NKAIN3: variants seen among roughly 807,000 people sequenced by gnomAD.
NKAIN3 encodes sodium/potassium-transporting ATPase subunit beta-1-interacting protein 3.
Under a neutral mutation model 30.2 loss-of-function variants are expected in NKAIN3, and 25 were observed. That is an observed-to-expected ratio of 0.83 (90% CI 0.60 to 1.16). NKAIN3 has a LOEUF of 1.16. Among genes scored for constraint, NKAIN3 ranks in the 50% most tolerant of loss-of-function variants. NKAIN3 has a pLI of 0.00. For synonymous variants in NKAIN3, 91 were observed against 89.6 expected, an observed-to-expected ratio of 1.02 and a Z score of -0.09; for missense variants, 225 against 254.1, an observed-to-expected ratio of 0.89 and a Z score of 0.78.
At chr8:62,877,268 G>C (rs1056975505) in intron 4 of NKAIN3, among the ~76,000 whole-genome samples, 5 of 152,206 alleles carry the variant, frequency 3.3e-5, no homozygotes, top group East Asian at 3.8e-4. Context: ...TCAAAGTTAA[G>C]AAAATTTTCT....
intron 1 of NKAIN3, among the ~76,000 whole-genome samples, chr8:62,410,433 T>C (rs1167432456): frequency 6.6e-6 from 1 of 152,216 alleles, no homozygotes; most frequent in African/African-American, 2.4e-5. Context: ...AGTATATGTG[T>C]CTTTTTGGTA....
At chr8:62,330,597 C>G (rs1815311952) in intron 1 of NKAIN3, among the ~76,000 whole-genome samples, 1 of 152,044 alleles carries the variant, frequency 6.6e-6, no homozygotes, top group Non-Finnish European at 1.5e-5. Context: ...CACCACAGAT[C>G]ACTCAGTCGC....
chr8:62,281,187 G>T (rs1422003224), intron 1 of NKAIN3, among the ~76,000 whole-genome samples: 1 of 152,026 alleles, frequency 6.6e-6, no homozygotes, highest in African/African-American at 2.4e-5. Context: ...ATTCTCTGAT[G>T]GTTTTTGTAG....
chr8:62,581,241 C>T (rs960752844), intron 2 of NKAIN3, among the ~76,000 whole-genome samples: 2 of 151,842 alleles, frequency 1.3e-5, no homozygotes, highest in Non-Finnish European at 2.9e-5. Context: ...GACTTGAGGC[C>T]TAAGATGCTT....
At chr8:62,521,087 G>T (rs766493598) in intron 1 of NKAIN3, among the ~76,000 whole-genome samples, 5 of 151,750 alleles carry the variant, frequency 3.3e-5, no homozygotes, top group Non-Finnish European at 7.4e-5. Context: ...TCTCTATTCA[G>T]AATAGAAAGT....
At chr8:62,937,894 CT>C (rs987308204) in intron 5 of NKAIN3, among the ~76,000 whole-genome samples, 1 of 152,030 alleles carries the variant, frequency 6.6e-6, no homozygotes, top group African/African-American at 2.4e-5. Context: ...GCCTTTCTGG[CT>C]GCATGAGAAC....
intron 4 of NKAIN3, among the ~76,000 whole-genome samples, chr8:62,753,532 G>A (rs1427799263): frequency 2.0e-5 from 3 of 152,056 alleles, no homozygotes; most frequent in African/African-American, 7.2e-5. Context: ...ATGAACAAAT[G>A]TGTTCACATA....
intron 4 of NKAIN3, among the ~76,000 whole-genome samples, chr8:62,802,951 CAG>C (rs1243493065): frequency 2.0e-5 from 3 of 152,044 alleles, no homozygotes; most frequent in Non-Finnish European, 2.9e-5. Flanking sequence ...CAAAAAAAGG[CAG>C]GGGTTGCAAT....
intron 1 of NKAIN3, among the ~76,000 whole-genome samples, chr8:62,577,003 G>T (rs886602883): frequency 2.6e-5 from 4 of 152,110 alleles, no homozygotes; most frequent in South Asian, 2.1e-4. Context: ...ATGGAAGTTA[G>T]ATAGAATAAT....
chr8:62,305,068 T>G (rs993956198), intron 1 of NKAIN3, among the ~76,000 whole-genome samples: 1 of 150,488 alleles, frequency 6.6e-6, no homozygotes, highest in African/African-American at 2.5e-5. Flanking sequence ...GTAAAGGAAA[T>G]AGTACATTGC....
intron 1 of NKAIN3, among the ~76,000 whole-genome samples, chr8:62,448,715 G>T (rs1419155290): frequency 6.6e-6 from 1 of 151,940 alleles, no homozygotes; most frequent in African/African-American, 2.4e-5. Context: ...AATGGAAGAT[G>T]TGGAAGACTA....
At chr8:62,353,099 A>G (rs920151037) in intron 1 of NKAIN3, among the ~76,000 whole-genome samples, 11 of 152,188 alleles carry the variant, frequency 7.2e-5, no homozygotes, top group Admixed American at 2.6e-4. Context: ...TGTGCCACCC[A>G]GTGCCTAGTA....
intron 3 of NKAIN3, among the ~76,000 whole-genome samples, chr8:62,623,104 A>G (rs929891361): frequency 2.0e-4 from 30 of 152,026 alleles, no homozygotes; most frequent in Non-Finnish European, 4.3e-4. Context: ...TTGAGTGAAA[A>G]TAAACTACAG....
rs1217143436 is a variant in NKAIN3, at chr8:62,970,067, A to C, written c.*4660A>C. On this transcript the variant is annotated 3_prime_UTR_variant, in exon 7 of 7. Transcript: ENST00000623646. ...AAATAAACAAAAAATACCTAAAAAA[A>C]AATTTAAATTAGCCAAGCATGGTGG... Among the ~76,000 whole-genome samples the C allele has an allele frequency of 6.6e-6, 1 of 152,056 alleles. No homozygotes were observed. The highest frequency in any genetic ancestry group is 1.9e-4 in the East Asian group (1 of 5,184).
chr8:62,760,622 G>T (rs1816623156), intron 4 of NKAIN3, among the ~76,000 whole-genome samples: 1 of 145,708 alleles, frequency 6.9e-6, no homozygotes, highest in Non-Finnish European at 1.5e-5. Flanking sequence ...ACTGGGGCCT[G>T]TTGTGGTGTG....
chr8:62,618,671 C>T (rs1039297206), intron 3 of NKAIN3, among the ~76,000 whole-genome samples: 11 of 152,044 alleles, frequency 7.2e-5, no homozygotes, highest in Admixed American at 1.3e-4. Context: ...TTTGGGAGGC[C>T]GAAGCAGGCA....
chr8:62,267,879 A>G (rs1396611167), intron 1 of NKAIN3, among the ~76,000 whole-genome samples: 1 of 152,222 alleles, frequency 6.6e-6, no homozygotes, highest in Non-Finnish European at 1.5e-5. Flanking sequence ...AGAAACATTT[A>G]TAGCAACTTT....
At chr8:62,895,196 T>C (rs1821395515) in intron 4 of NKAIN3, among the ~76,000 whole-genome samples, 1 of 152,232 alleles carries the variant, frequency 6.6e-6, no homozygotes, top group Non-Finnish European at 1.5e-5. Context: ...TTTAAACAAA[T>C]GGTAGCTTAC....
chr8:62,442,267 A>T (rs1242364636), intron 1 of NKAIN3, among the ~76,000 whole-genome samples: 3 of 151,954 alleles, frequency 2.0e-5, no homozygotes, highest in African/African-American at 7.2e-5. Flanking sequence ...TTTAATTTAT[A>T]TTTCAATTTT....
Sources: gnomAD v4.1 joint callset for allele counts (sites outside exome capture counted in the v4.1 genomes callset) on GRCh38, gnomAD v4.1.1 for gene constraint, MANE v1.5 for transcripts, NCBI Gene and HGNC (gene_info 2026-07-23, HGNC 2026-07-21) for gene names.